CYFIP2: variants seen among roughly 807,000 people sequenced by gnomAD.
CYFIP2 encodes cytoplasmic FMR1 interacting protein 2, also known as cytoplasmic FMR1-interacting protein 2.
CYFIP2 carries 29 observed loss-of-function variants against 158.7 expected under a neutral mutation model. The observed-to-expected ratio is 0.18, with a 90% CI of 0.14 to 0.25. CYFIP2 has a LOEUF of 0.25. Among genes scored for constraint, CYFIP2 ranks in the 10% least tolerant of loss-of-function variants. The pLI is 1.00. For synonymous variants in CYFIP2, 585 were observed against 617.6 expected (o/e 0.95, Z 0.78); for missense variants, 852 against 1,639.5 (o/e 0.52, Z 8.29).
At chr5:157,306,893 TAAA>T (rs759718809) in intron 8 of CYFIP2, among the ~76,000 whole-genome samples, 5 of 127,884 alleles carry the variant, frequency 3.9e-5, no homozygotes, top group African/African-American at 1.5e-4. Flanking sequence ...GAGGCCATCT[TAAA>T]AAAAAAAAAA....
intron 13 of CYFIP2, 74 bp from the exon 14 acceptor site, chr5:157,319,688 C>T: frequency 6.4e-7 from 1 of 1,551,434 alleles, no homozygotes; most frequent in Non-Finnish European, 8.7e-7. Flanking sequence ...CCTCCCCTGG[C>T]AGGGCGGTGA....
chr5:157,325,758 C>T, intron 17 of CYFIP2, 120 bp downstream of exon 17: 1 of 1,071,868 alleles, frequency 9.3e-7, no homozygotes, highest in Non-Finnish European at 1.3e-6. Context: ...GGCCATATGT[C>T]CCACCACAGG....
chr5:157,320,964 T>C (rs1760548752), intron 15 of CYFIP2, among the ~76,000 whole-genome samples, 162 bp downstream of exon 15: 4 of 152,168 alleles, frequency 2.6e-5, no homozygotes, highest in Admixed American at 2.6e-4. Context: ...TGTTTTGATA[T>C]AGGAAGGAGG....
At position 157,311,380 on chromosome 5, in the gene CYFIP2, C is replaced by G. The variant is rs562020621; in HGVS notation, c.993-284C>G. On this transcript the variant is annotated intron_variant, in intron 10 of 30. Coordinates refer to ENST00000620254, the MANE Select transcript of CYFIP2 (RefSeq NM_001037333.3). This position sits in a 1 kb window ranked among gnomAD's most constrained non-coding sequence, Gnocchi z 4.7. ...TCCTAGAGAGGCTGTGTTCCCGCCC[C>G]TCTCATATTACTGGTAAGTATTATG... The G allele has an allele frequency of 4.3e-5, 20 of 461,740 alleles. No individual in the cohort carries two copies. Among genetic ancestry groups the G allele is most frequent in the South Asian group, 4.3e-4 (20 of 46,354 alleles). 28.6% of individuals were successfully genotyped at this position (461,740 alleles called of 1,614,324 possible). A position where few individuals can be genotyped will look rare whatever the true frequency, so the allele number is the denominator to read the frequency against.
intron 18 of CYFIP2, 51 bp from the exon 19 acceptor site, chr5:157,327,922 G>T (rs1439709944): frequency 1.3e-6 from 2 of 1,577,248 alleles, no homozygotes; most frequent in African/African-American, 2.7e-5. Flanking sequence ...CTCAGTTTCT[G>T]TCATAAAGCT....
chr5:157,338,479 C>T (rs746901681), intron 21 of CYFIP2, among the ~76,000 whole-genome samples: 7 of 152,382 alleles, frequency 4.6e-5, no homozygotes, highest in Non-Finnish European at 1.0e-4. Context: ...AGTCAAGTTA[C>T]TTAACTTCTC....
chr5:157,392,921 T>C lies in CYFIP2; in HGVS notation c.3683T>C (p.Val1228Ala). ...FAILNKYMKS[V>A]ETDSSTVEHV... is the part of the protein sequence containing the mutation. The stretch of plus-strand genomic sequence containing the variant: ...ATCCTGAACAAATACATGAAGTCCG[T>C]GGAGACAGACAGTTCCACTGTGGAG... The change falls in exon 31 of 31, where the codon GTG (valine) becomes GCG (alanine). Residue 1228 changes from valine to alanine, a missense_variant. By Grantham distance (64) the Val-to-Ala change is moderately conservative. Transcript: ENST00000620254. 6.2e-7 allele frequency: 1 copy of C among 1,613,962 alleles called. No homozygotes were observed. Among genetic ancestry groups the C allele is most frequent in the Non-Finnish European group, 8.5e-7 (1 of 1,179,878 alleles).
At chr5:157,301,459 G>T (rs1250909683) in intron 6 of CYFIP2, among the ~76,000 whole-genome samples, 1 of 152,174 alleles carries the variant, frequency 6.6e-6, no homozygotes, top group Non-Finnish European at 1.5e-5. Flanking sequence ...AGCTTCTAAG[G>T]AAGGACAGGA....
intron 1 of CYFIP2, among the ~76,000 whole-genome samples, chr5:157,269,074 C>A (rs1335924206): frequency 6.6e-6 from 1 of 151,864 alleles, no homozygotes; most frequent in African/African-American, 2.4e-5. Flanking sequence ...TGTAATCAAC[C>A]CTTGGCTATT....
chr5:157,362,692 C>T (rs1361323612), intron 26 of CYFIP2: 5 of 152,380 alleles, frequency 3.3e-5, no homozygotes, highest in South Asian at 2.1e-4. Flanking sequence ...GCCTCCTGTC[C>T]TGTCCATATT....
At chr5:157,360,448 G>T (rs888096932) in intron 25 of CYFIP2, 76 bp downstream of exon 25, 38 of 1,278,152 alleles carry the variant, frequency 3.0e-5, no homozygotes, top group Non-Finnish European at 3.9e-5. Context: ...TAGAGCGTTT[G>T]CTTCTCTAAC....
At chr5:157,345,492 T>C (rs1762616007) in intron 23 of CYFIP2, 1 of 152,640 alleles carries the variant, frequency 6.6e-6, no homozygotes, top group South Asian at 2.1e-4. Context: ...AAGCAGAGTG[T>C]GAAAAGAAGC....
intron 20 of CYFIP2, among the ~76,000 whole-genome samples, chr5:157,333,042 C>T (rs1761596494): frequency 6.6e-6 from 1 of 152,216 alleles, no homozygotes; most frequent in African/African-American, 2.4e-5. Flanking sequence ...CAGGGACTCT[C>T]ACAAGGCCAG....
intron 24 of CYFIP2, 48 bp from the exon 25 acceptor site, chr5:157,360,234 C>G: frequency 6.6e-7 from 1 of 1,523,540 alleles, no homozygotes; most frequent in Non-Finnish European, 9.0e-7. Context: ...CTCCATACCC[C>G]GCATAGCCCA....
intron 8 of CYFIP2, among the ~76,000 whole-genome samples, chr5:157,306,271 G>A (rs563681781): frequency 1.2e-4 from 18 of 152,188 alleles, no homozygotes; most frequent in South Asian, 1.0e-3. Flanking sequence ...CTCTGGCTTC[G>A]TCCCAACATC....
At chr5:157,344,801 T>C (rs754165904) in intron 23 of CYFIP2, among the ~76,000 whole-genome samples, 11 of 152,206 alleles carry the variant, frequency 7.2e-5, no homozygotes, top group Non-Finnish European at 1.5e-4. Flanking sequence ...TTCGCCTGCA[T>C]TGGATATTAA....
intron 14 of CYFIP2, 132 bp downstream of exon 14, chr5:157,320,060 T>C (rs1306280277): frequency 9.4e-6 from 10 of 1,065,678 alleles, no homozygotes; most frequent in South Asian, 9.3e-5. Flanking sequence ...CTTTAGGAGA[T>C]TGGGCATTTG....
intron 19 of CYFIP2, among the ~76,000 whole-genome samples, chr5:157,330,517 T>C (rs982469237): frequency 2.6e-5 from 4 of 152,302 alleles, no homozygotes; most frequent in Non-Finnish European, 5.9e-5. Flanking sequence ...GTGGCTCAAC[T>C]TCTGTGTTGC....
Position 157,328,039 on chromosome 5 carries a change from A to G in CYFIP2, c.2146A>G (p.Met716Val). The G allele has an allele frequency of 6.2e-7, 1 of 1,613,840 alleles. No homozygotes were observed. The highest frequency in any genetic ancestry group is 2.2e-5 in the East Asian group (1 of 44,880). ...CCAGATCTTTGCTTACTACAAAGCCATGGCTGGCAGGTAGGAAAGCCCCAG... is the reference window on the plus strand; with the variant it reads ...CCAGATCTTTGCTTACTACAAAGCCGTGGCTGGCAGGTAGGAAAGCCCCAG... Reference protein sequence around the residue: ...ADQIFAYYKAMAGSVLLDKRF... With the variant: ...ADQIFAYYKAVAGSVLLDKRF... Residue 716 changes from methionine (M) to valine (V), a missense_variant, in exon 19 of 31, where the codon ATG becomes GTG. Met to Val is a conservative substitution (Grantham distance 21, BLOSUM62 1). Around this residue, in one of 8 missense-constraint regions of CYFIP2, gnomAD observed 191 missense variants for 311.2 expected, o/e 0.61. Transcript: ENST00000620254.
Sources: allele counts gnomAD v4.1 joint callset (sites outside exome capture counted in the v4.1 genomes callset), GRCh38; gene constraint gnomAD v4.1.1; regional missense constraint gnomAD v4.1.1; non-coding constraint Gnocchi (gnomAD v3.1); transcripts MANE v1.5; gene names NCBI Gene and HGNC (gene_info 2026-07-23, HGNC 2026-07-21).